PLCB1: variants seen among roughly 807,000 people sequenced by gnomAD.
PLCB1 encodes phospholipase C beta 1, also known as 1-phosphatidylinositol 4,5-bisphosphate phosphodiesterase beta-1.
A neutral mutation model predicts 161.8 loss-of-function variants in PLCB1; 46 were observed. That is an observed-to-expected ratio of 0.28 (90% CI 0.22 to 0.36). The LOEUF (loss-of-function observed/expected upper bound fraction) is 0.36, where lower values mean the gene tolerates loss of function less well. Among genes scored for constraint, PLCB1 ranks in the 10% least tolerant of loss-of-function variants. The probability of loss-of-function intolerance (pLI) is 1.00; values close to 1 mark genes in which losing one functional copy is unlikely to be tolerated. For missense variants in PLCB1, 1,016 were observed against 1,472.5 expected (o/e 0.69, Z 5.07); for synonymous variants, 517 against 503.7 (o/e 1.03, Z -0.35).
chr20:8,386,907 A>C (rs1987440064), intron 3 of PLCB1, among the ~76,000 whole-genome samples: 1 of 152,076 alleles, frequency 6.6e-6, no homozygotes, highest in Non-Finnish European at 1.5e-5. Flanking sequence ...TGAACCAACC[A>C]CTGCTAGCTT....
chr20:8,508,004 T>C (rs1489294403), intron 3 of PLCB1, among the ~76,000 whole-genome samples: 1 of 152,148 alleles, frequency 6.6e-6, no homozygotes, highest in African/African-American at 2.4e-5. Flanking sequence ...GCTCACTTGG[T>C]GGGTGAGCCT....
intron 2 of PLCB1, among the ~76,000 whole-genome samples, chr20:8,370,512 T>G (rs1387301925): frequency 6.6e-6 from 1 of 152,140 alleles, no homozygotes. Context: ...TGTCTCTAAG[T>G]GTCTAAAGGC....
At chr20:8,308,270 T>G (rs984687648) in intron 2 of PLCB1, among the ~76,000 whole-genome samples, 1 of 151,960 alleles carries the variant, frequency 6.6e-6, no homozygotes, top group Non-Finnish European at 1.5e-5. Flanking sequence ...ATTATTTATA[T>G]TCTTTTAAAT....
intron 7 of PLCB1, chr20:8,652,220 G>C (rs773389459): frequency 6.6e-6 from 1 of 151,944 alleles, no homozygotes; most frequent in Non-Finnish European, 1.5e-5. Flanking sequence ...CAAATAACAT[G>C]AGTTATGTTT....
intron 2 of PLCB1, among the ~76,000 whole-genome samples, chr20:8,310,158 G>C (rs905412213): frequency 8.6e-5 from 13 of 151,990 alleles, no homozygotes; most frequent in Non-Finnish European, 1.5e-4. Flanking sequence ...TTTTGTTACG[G>C]TGGGTCTCTC....
At chr20:8,632,040 T>TTTTTTG (rs1988610123) in intron 4 of PLCB1, among the ~76,000 whole-genome samples, 1 of 30,080 alleles carries the variant, frequency 3.3e-5, no homozygotes, top group African/African-American at 1.2e-4. Flanking sequence ...TTTTGCTTTT[T>TTTTTTG]TTTTTTTTTT....
chr20:8,707,998 G>T lies in PLCB1; in HGVS notation c.1168-672G>T, dbSNP rs186826487. On this transcript the variant is annotated intron_variant, in intron 11 of 31. Transcript: ENST00000338037. ...TCTATGAATACATAAAGTGATGAATGATTGCCTGGGACTAGGTGTGTGGGG... is the reference window on the plus strand; with the variant it reads ...TCTATGAATACATAAAGTGATGAATTATTGCCTGGGACTAGGTGTGTGGGG... Among the ~76,000 whole-genome samples, 22 of 152,230 alleles carry T rather than the reference G, an allele frequency of 1.4e-4. No homozygotes were observed. The East Asian group carries it at 4.2e-3, about 29-fold the overall frequency.
At chr20:8,400,751 T>C (rs1978513330) in intron 3 of PLCB1, among the ~76,000 whole-genome samples, 1 of 152,220 alleles carries the variant, frequency 6.6e-6, no homozygotes, top group Admixed American at 6.5e-5. Context: ...ATTTTATAGA[T>C]GTGCCATAAT....
chr20:8,614,867 C>G (rs1600193321), intron 3 of PLCB1, among the ~76,000 whole-genome samples: 2 of 152,132 alleles, frequency 1.3e-5, no homozygotes, highest in South Asian at 4.1e-4. Flanking sequence ...TGTTCTCCAC[C>G]ATGTTTTTAA....
At chr20:8,146,033 A>T (rs912818115) in intron 1 of PLCB1, among the ~76,000 whole-genome samples, 2 of 152,058 alleles carry the variant, frequency 1.3e-5, no homozygotes, top group Non-Finnish European at 2.9e-5. Flanking sequence ...AACAGGGGCC[A>T]TGTCGCTTCC....
chr20:8,348,103 T>G (rs1986054878), intron 2 of PLCB1, among the ~76,000 whole-genome samples: 1 of 152,196 alleles, frequency 6.6e-6, no homozygotes, highest in Non-Finnish European at 1.5e-5. Flanking sequence ...TGCAAGTTTC[T>G]GTTGGGGAAG....
chr20:8,728,052 T>C (rs142155777), intron 17 of PLCB1, among the ~76,000 whole-genome samples: 1 of 152,220 alleles, frequency 6.6e-6, no homozygotes, highest in African/African-American at 2.4e-5. Context: ...CCTTTAAAAT[T>C]CATCAGTGGA....
intron 2 of PLCB1, among the ~76,000 whole-genome samples, chr20:8,234,954 A>G (rs1980244559): frequency 6.6e-6 from 1 of 152,070 alleles, no homozygotes; most frequent in Non-Finnish European, 1.5e-5. Context: ...ATCCAATTTG[A>G]GGGGTTCAGA....
chr20:8,297,071 C>G (rs1011483338), intron 2 of PLCB1, among the ~76,000 whole-genome samples: 7 of 151,956 alleles, frequency 4.6e-5, no homozygotes, highest in Admixed American at 3.9e-4. Context: ...CATGCATACA[C>G]ACACACCTAT....
chr20:8,607,314 T>G (rs1987785421), intron 3 of PLCB1, among the ~76,000 whole-genome samples: 1 of 152,186 alleles, frequency 6.6e-6, no homozygotes, highest in South Asian at 2.1e-4. Context: ...AAAGTGATCT[T>G]CCAAAAATAT....
chr20:8,319,278 G>A (rs572274667), intron 2 of PLCB1, among the ~76,000 whole-genome samples: 1 of 152,230 alleles, frequency 6.6e-6, no homozygotes, highest in African/African-American at 2.4e-5. Flanking sequence ...TGTATCTGTA[G>A]GTTGGAAATT....
intron 3 of PLCB1, among the ~76,000 whole-genome samples, chr20:8,484,259 A>C (rs1308494571): frequency 1.6e-4 from 25 of 151,852 alleles, no homozygotes; most frequent in Non-Finnish European, 1.5e-5. Context: ...TCCCAACCTC[A>C]AGTGATCTGC....
chr20:8,313,060 T>C (rs1215681588), intron 2 of PLCB1, among the ~76,000 whole-genome samples: 2 of 152,202 alleles, frequency 1.3e-5, no homozygotes, highest in Non-Finnish European at 2.9e-5. Context: ...AAAATTTTGG[T>C]GCCCCGGAAG....
At chr20:8,836,448 T>C (rs888603573) in intron 31 of PLCB1, among the ~76,000 whole-genome samples, 1 of 76,532 alleles carries the variant, frequency 1.3e-5, no homozygotes, top group African/African-American at 3.4e-5. Flanking sequence ...ATTCTGTCTC[T>C]CTGGAGAACC....
Sources: allele counts gnomAD v4.1 joint callset (sites outside exome capture counted in the v4.1 genomes callset), GRCh38; gene constraint gnomAD v4.1.1; transcripts MANE v1.5; gene names NCBI Gene and HGNC (gene_info 2026-07-23, HGNC 2026-07-21).